The following ARPP21 variants were observed in gnomAD, a reference collection of about 807,000 sequenced individuals.
ARPP21 encodes cAMP regulated phosphoprotein 21, also known as cAMP-regulated phosphoprotein 21.
In ARPP21, 69 loss-of-function variants were observed where a neutral mutation model predicts 113.2. The ratio of observed to expected loss-of-function variants is 0.61; its 90% CI spans 0.50 to 0.74. The LOEUF (loss-of-function observed/expected upper bound fraction) is 0.74, where lower values mean the gene tolerates loss of function less well. Among genes scored for constraint, ARPP21 ranks in the 30% least tolerant of loss-of-function variants. The probability of loss-of-function intolerance (pLI) is 0.00; values close to 1 mark genes in which losing one functional copy is unlikely to be tolerated. For synonymous variants in ARPP21, 368 were observed against 375.5 expected, an observed-to-expected ratio of 0.98 and a Z score of 0.23; for missense variants, 1,070 against 1,037.4, an observed-to-expected ratio of 1.03 and a Z score of -0.43.
chr3:35,681,608 C>CA, intron 2 of ARPP21, 106 bp from the exon 3 acceptor site: 1 of 632,926 alleles, frequency 1.6e-6, no homozygotes, highest in Admixed American at 3.0e-5. Flanking sequence ...ATAAAATTCT[C>CA]AAAATTGCTC....
At chr3:35,715,406 C>T in intron 11 of ARPP21, 33 bp from the exon 12 acceptor site, 2 of 1,605,288 alleles carry the variant, frequency 1.2e-6, no homozygotes, top group Non-Finnish European at 1.7e-6. Context: ...ATATCCAGAA[C>T]TTCTGATCCA....
intron 19 of ARPP21, among the ~76,000 whole-genome samples, chr3:35,782,545 G>T (rs1260848334): frequency 5.3e-5 from 8 of 152,038 alleles, no homozygotes. Context: ...TTTGCTGCTG[G>T]ATCAAATAAA....
At chr3:35,651,936 C>T (rs577714078) in intron 1 of ARPP21, 4 of 152,182 alleles carry the variant, frequency 2.6e-5, no homozygotes, top group African/African-American at 9.6e-5. Context: ...ATGAATGCTT[C>T]CACATCAATG....
At chr3:35,681,473 C>T (rs3772395) in intron 2 of ARPP21, 39,762 of 299,212 alleles carry the variant, frequency 0.13, 3,101 homozygotes, top group African/African-American at 0.23. Flanking sequence ...TAAGATTTGT[C>T]GACCCATTTT....
Position 35,690,137 on chromosome 3 carries a change from A to G in ARPP21, c.542A>G (p.Asn181Ser), listed in dbSNP as rs562081076. Residue 181 changes from asparagine (N) to serine (S), a missense_variant, in exon 8 of 21, where the codon AAC becomes AGC. By Grantham distance (46) the Asn-to-Ser change is conservative (BLOSUM62 1). Transcript: ENST00000684406. ...GAAATTATTGATTTCATTGCTGACA[A>G]CAAGTATGTTAAACTTCAATGCTGG... ...EQEIIDFIAD[N>S]NNHYKKFPQM... 5 of 1,429,266 alleles carry G rather than the reference A, an allele frequency of 3.5e-6. No homozygotes were observed. The South Asian group carries it at 5.7e-5, about 16-fold the overall frequency. 88.5% of individuals were successfully genotyped at this position (1,429,266 alleles called of 1,614,324 possible). A position where few individuals can be genotyped will look rare whatever the true frequency, so the allele number is the denominator to read the frequency against.
chr3:35,726,362 C>T (rs898347078), intron 14 of ARPP21, among the ~76,000 whole-genome samples: 1 of 152,306 alleles, frequency 6.6e-6, no homozygotes, highest in Admixed American at 6.5e-5. Flanking sequence ...CTCTCCCTGG[C>T]CTTGGTGATT....
At chr3:35,765,187 G>A (rs776203563) in intron 19 of ARPP21, among the ~76,000 whole-genome samples, 2 of 151,988 alleles carry the variant, frequency 1.3e-5, no homozygotes, top group Non-Finnish European at 2.9e-5. Context: ...ATTATTATTT[G>A]TTGTTACCTT....
At chr3:35,659,811 T>C (rs887984686) in intron 1 of ARPP21, among the ~76,000 whole-genome samples, 3 of 152,214 alleles carry the variant, frequency 2.0e-5, no homozygotes, top group Non-Finnish European at 2.9e-5. Flanking sequence ...AGGTGGCTGG[T>C]GTGTTGTTCT....
rs1252637657 is a variant in ARPP21, at chr3:35,682,015, TTTTTCAATTTTTGTCACTTTTTGTCC to T, written c.129+137_129+162del. 1.8e-5 allele frequency: 20 copies of T among 1,113,170 alleles called. No homozygotes were observed. In the African/African-American group the frequency reaches 3.2e-4, roughly 18 times the overall value. The allele number at this position is 1,113,170 out of a possible 1,614,324, so 69.0% of individuals were successfully genotyped here. ...TCATTAGGAAATGCTAGTCTCCTAC[TTTTTCAATTTTTGTCACTTTTTGTCC>T]TAACCCAACCGTGCTCTAAAATGTG... On this transcript the variant is annotated intron_variant, in intron 3 of 20. Transcript: ENST00000684406.
intron 19 of ARPP21, among the ~76,000 whole-genome samples, chr3:35,753,082 G>C (rs2095457846): frequency 6.6e-6 from 1 of 150,920 alleles, no homozygotes; most frequent in Non-Finnish European, 1.5e-5. Context: ...GTGTAAGTGA[G>C]AGAGAGAGAA....
At chr3:35,648,275 A>G (rs1575404336) in intron 1 of ARPP21, among the ~76,000 whole-genome samples, 1 of 152,190 alleles carries the variant, frequency 6.6e-6, no homozygotes, top group Non-Finnish European at 1.5e-5. Context: ...ACATATGGGT[A>G]TTATTTCTCT....
chr3:35,780,445 G>GAT (rs1046138206), intron 19 of ARPP21, among the ~76,000 whole-genome samples: 22 of 152,234 alleles, frequency 1.4e-4, no homozygotes, highest in Middle Eastern at 3.4e-3. Context: ...CTACAAGAGA[G>GAT]ATATTAGCCT....
At chr3:35,651,182 C>CT (rs1434909667) in intron 1 of ARPP21, among the ~76,000 whole-genome samples, 6 of 151,944 alleles carry the variant, frequency 3.9e-5, no homozygotes, top group Admixed American at 6.6e-5. Context: ...GAAGGATAAT[C>CT]TTTTTTTAAA....
At chr3:35,780,635 C>T (rs1055011657) in intron 19 of ARPP21, among the ~76,000 whole-genome samples, 1 of 151,976 alleles carries the variant, frequency 6.6e-6, no homozygotes, top group Admixed American at 6.6e-5. Flanking sequence ...GTTTGAAAGC[C>T]AAGGCCCAAC....
intron 19 of ARPP21, among the ~76,000 whole-genome samples, chr3:35,747,947 A>AAAAG (rs71082212): frequency 0.29 from 41,974 of 142,610 alleles, 6,833 homozygotes; most frequent in African/African-American, 0.41. Flanking sequence ...GAAAGAAAGA[A>AAAAG]AAAGAAAGAA....
At chr3:35,657,228 C>T (rs1705408090) in intron 1 of ARPP21, among the ~76,000 whole-genome samples, 1 of 152,036 alleles carries the variant, frequency 6.6e-6, no homozygotes, top group African/African-American at 2.4e-5. Context: ...ATCCAGTTAC[C>T]TCCCACATAT....
intron 9 of ARPP21, among the ~76,000 whole-genome samples, chr3:35,697,757 A>C (rs1575969628): frequency 6.6e-6 from 1 of 151,654 alleles, no homozygotes; most frequent in African/African-American, 2.4e-5. Flanking sequence ...TTGGCCCTTA[A>C]GCATTTCACT....
rs1229638184 is a variant in ARPP21 at position 35,767,754 on chromosome 3, C to G, written c.2137+23789C>G. 2.6e-5 allele frequency among the ~76,000 whole-genome samples: 4 copies of G among 152,032 alleles called. No homozygotes were observed. The East Asian group carries it at 7.7e-4, about 29-fold the overall frequency. On this transcript the variant is annotated intron_variant, in intron 19 of 20. Transcript: ENST00000684406. ...TGGCTGTTTATTTTTATATTACACT[C>G]CTTGATAGCCATTACTAAGAACTTC...
At chr3:35,721,520 A>G in intron 13 of ARPP21, 85 bp from the exon 14 acceptor site, 1 of 773,528 alleles carries the variant, frequency 1.3e-6, no homozygotes, top group Non-Finnish European at 2.2e-6. Context: ...ATCACCTTCC[A>G]AGAAAAGCCT....
Sources: gnomAD v4.1 joint callset for allele counts (sites outside exome capture counted in the v4.1 genomes callset) on GRCh38, gnomAD v4.1.1 for gene constraint, MANE v1.5 for transcripts, NCBI Gene and HGNC (gene_info 2026-07-23, HGNC 2026-07-21) for gene names.